The following MTFR1 variants were observed in gnomAD, a reference collection of about 807,000 sequenced individuals.
MTFR1 encodes mitochondrial fission regulator 1, also known as chondrocyte protein with a poly-proline region.
MTFR1 carries 28 observed loss-of-function variants against 38.8 expected under a neutral mutation model. The observed-to-expected ratio is 0.72, with a 90% confidence interval of 0.53 to 0.99. The LOEUF (loss-of-function observed/expected upper bound fraction) is 0.99, where lower values mean the gene tolerates loss of function less well. MTFR1 is among the 50% of genes least tolerant of loss of function. The pLI is 0.00. For synonymous variants in MTFR1, 145 were observed against 137.0 expected (o/e 1.06, Z -0.41); for missense variants, 358 against 395.5 (o/e 0.91, Z 0.81).
chr8:65,662,941 G>A (rs1804233883), intron 1 of MTFR1, among the ~76,000 whole-genome samples: 1 of 151,164 alleles, frequency 6.6e-6, no homozygotes, highest in Non-Finnish European at 1.5e-5. Context: ...CAGCCACCCC[G>A]TCCGGGAGAT....
intron 1 of MTFR1, among the ~76,000 whole-genome samples, chr8:65,646,385 G>A (rs767381833): frequency 6.6e-6 from 1 of 152,028 alleles, no homozygotes. Flanking sequence ...TGTCCTAGGA[G>A]TTGTGGAATA....
Position 65,709,120 on chromosome 8 carries a change from ACT to A in MTFR1, c.*77_*78del. ...GCCAAGTTTGCTAGTAGAAATCGAC[ACT>A]GTTTAGTAAATACCTCTTTAGTATT... On this transcript the variant is annotated 3_prime_UTR_variant, in exon 8 of 8. Coordinates refer to ENST00000262146, the MANE Select transcript of MTFR1 (RefSeq NM_014637.4). 1.6e-6 allele frequency: 2 copies of A among 1,285,988 alleles called. No individual in the cohort carries two copies. The highest frequency in any genetic ancestry group is 2.3e-6 in the Non-Finnish European group (2 of 882,024). 79.7% of individuals were successfully genotyped at this position (1,285,988 alleles called of 1,614,324 possible).
chr8:65,762,328 GA>G (rs1228153939), intron 3 of MTFR1, among the ~76,000 whole-genome samples: 2 of 151,996 alleles, frequency 1.3e-5, no homozygotes, highest in Non-Finnish European at 2.9e-5. Flanking sequence ...CATTTTCTTA[GA>G]AAAAAATTTT....
chr8:65,771,435 AAT>A (rs1809078434), downstream of MTFR1, among the ~76,000 whole-genome samples: 1 of 152,310 alleles, frequency 6.6e-6, no homozygotes, highest in Middle Eastern at 3.4e-3. Context: ...AAAAATTATG[AAT>A]AGTTTTAATA....
In MTFR1 at chr8:65,723,658, A is replaced by C. The variant is rs565949429; in HGVS notation, c.*48+4177A>C. ...AAAAAGAGAAGTATTAATATGAAGA[A>C]TATCTATTGGTTAAATATATAATTA... On this transcript the variant is annotated intron_variant, in intron 3 of 3. Coordinates refer to the MTFR1 transcript ENST00000521247. 29 of 1,382,642 alleles carry C rather than the reference A, an allele frequency of 2.1e-5. No homozygotes were observed. The East Asian group carries it at 6.7e-4, about 32-fold the overall frequency. The allele number at this position is 1,382,642 out of a possible 1,614,324, so 85.6% of individuals were successfully genotyped here.
chr8:65,657,036 G>A lies in MTFR1; in HGVS notation c.-81+12252G>A, dbSNP rs553848699. Among the ~76,000 whole-genome samples the A allele has an allele frequency of 4.2e-4, 60 of 144,196 alleles. 2 individuals carry two copies. In the South Asian group the frequency reaches 8.2e-3, roughly 20 times the overall value. The allele number at this position is 144,196 out of a possible 152,430, so 94.6% of individuals were successfully genotyped here. ...TTACTTATTTTTTTTTTTTTCAGAC[G>A]GAGTCTCACTCTTATTGCCCAGGCT... On this transcript the variant is annotated intron_variant, in intron 1 of 7. Coordinates refer to ENST00000262146, the MANE Select transcript of MTFR1 (RefSeq NM_014637.4).
chr8:65,696,345 T>G (rs899416615), intron 4 of MTFR1, among the ~76,000 whole-genome samples: 2 of 152,234 alleles, frequency 1.3e-5, no homozygotes, highest in African/African-American at 4.8e-5. Flanking sequence ...TTTGAGATAA[T>G]TGTAGATTCT....
chr8:65,649,657 A>T (rs1213959794), intron 1 of MTFR1, among the ~76,000 whole-genome samples: 1 of 152,248 alleles, frequency 6.6e-6, no homozygotes, highest in African/African-American at 2.4e-5. Context: ...CAATCCAATT[A>T]TACTTTTAGT....
intron 3 of MTFR1, among the ~76,000 whole-genome samples, chr8:65,734,544 G>C (rs1807041170): frequency 6.6e-6 from 1 of 152,154 alleles, no homozygotes; most frequent in Non-Finnish European, 1.5e-5. Context: ...GTAAATGCCA[G>C]CAGTCGAGGT....
At chr8:65,707,622 A>C (rs1313184898) in intron 6 of MTFR1, among the ~76,000 whole-genome samples, 1 of 152,230 alleles carries the variant, frequency 6.6e-6, no homozygotes, top group East Asian at 1.9e-4. Context: ...AGTAGAGTCC[A>C]TGTTCTGCAG....
intron 3 of MTFR1, 87 bp downstream of exon 3, chr8:65,682,538 T>G (rs1334057641): frequency 1.3e-6 from 1 of 778,234 alleles, no homozygotes; most frequent in Admixed American, 4.4e-5. Flanking sequence ...GCATTTTGTT[T>G]TTGAGACTTT....
intron 3 of MTFR1, among the ~76,000 whole-genome samples, chr8:65,741,299 T>C (rs1319600960): frequency 1.3e-5 from 2 of 152,184 alleles, no homozygotes; most frequent in African/African-American, 4.8e-5. Flanking sequence ...GATTCTAGTA[T>C]TCTCTCGTCT....
intron 3 of MTFR1, among the ~76,000 whole-genome samples, chr8:65,746,038 C>T (rs1264899314): frequency 2.0e-5 from 3 of 151,876 alleles, no homozygotes; most frequent in African/African-American, 4.9e-5. Flanking sequence ...TCGAGCAATC[C>T]TCCTGTCTCA....
chr8:65,774,052 G>A (rs946294230), downstream of MTFR1, among the ~76,000 whole-genome samples: 3 of 151,978 alleles, frequency 2.0e-5, no homozygotes, highest in South Asian at 2.1e-4. Context: ...TGAGCAATAC[G>A]TTCACATGAG....
chr8:65,650,677 C>T (rs1461758201), intron 1 of MTFR1, among the ~76,000 whole-genome samples: 1 of 152,204 alleles, frequency 6.6e-6, no homozygotes, highest in East Asian at 1.9e-4. Context: ...ATATGTATCA[C>T]ATTTTCTTTA....
chr8:65,719,544 T>C (rs1288752629), intron 3 of MTFR1: 2 of 1,187,210 alleles, frequency 1.7e-6, no homozygotes, highest in African/African-American at 3.0e-5. Flanking sequence ...TGAAACTCTA[T>C]CTTTAAAACA....
chr8:65,687,310 A>T (rs954703279), intron 3 of MTFR1, among the ~76,000 whole-genome samples: 1 of 151,914 alleles, frequency 6.6e-6, no homozygotes, highest in Non-Finnish European at 1.5e-5. Flanking sequence ...TATTTCAAAC[A>T]TAATAAATAT....
In MTFR1 at chr8:65,707,247, C is replaced by A; in HGVS notation, c.755C>A (p.Ser252Ter). ...LKEMNSVKLR[S>*]VKRSEQDVKP... ...GAGATGAACAGTGTAAAACTTCGGT[C>A]AGTGAAGAGGTGAGGATACATTCAC... Residue 252 changes from serine (S) to a stop codon, truncating the protein, a stop_gained, in exon 6 of 8, where the codon TCA becomes TAA. Transcript: ENST00000262146. LOFTEE classifies it high-confidence loss of function. 1.2e-6 allele frequency: 2 copies of A among 1,613,830 alleles called. No homozygotes were observed. The highest frequency in any genetic ancestry group is 2.2e-5 in the South Asian group (2 of 90,918).
chr8:65,706,515 A>G (rs1269553032), intron 5 of MTFR1, among the ~76,000 whole-genome samples: 1 of 152,186 alleles, frequency 6.6e-6, no homozygotes, highest in Non-Finnish European at 1.5e-5. Flanking sequence ...TTGGCCTCCT[A>G]AAGTGCTGGG....
Sources: allele counts gnomAD v4.1 joint callset (sites outside exome capture counted in the v4.1 genomes callset), GRCh38; gene constraint gnomAD v4.1.1; transcripts MANE v1.5; gene names NCBI Gene and HGNC (gene_info 2026-07-23, HGNC 2026-07-21).